MAS1: variants seen among roughly 807,000 people sequenced by gnomAD.
The protein encoded by MAS1 is MAS1 proto-oncogene, G protein-coupled receptor.
For missense variants in MAS1, 387 were observed against 409.7 expected (o/e 0.94, Z 0.48); for synonymous variants, 163 against 164.2 (o/e 0.99, Z 0.05).
Position 159,907,231 on chromosome 6 carries a change from T to C in MAS1, c.276T>C (p.Ala92=). The change falls in exon 3 of 3, where the codon GCT becomes GCC. Residue 92 remains alanine, a synonymous_variant. Coordinates refer to ENST00000674077, the MANE Select transcript of MAS1 (RefSeq NM_002377.4). ...TTTTCATCTTGTCTATCGACTATGC[T>C]TTAGATTATGAGCTTTCTTCTGGCC... ...FCIFILSIDY[A]LDYELSSGHY... 6.2e-7 allele frequency: 1 copy of C among 1,614,228 alleles called. No homozygotes were observed. The highest frequency in any genetic ancestry group is 8.5e-7 in the Non-Finnish European group (1 of 1,180,022).
intron 2 of MAS1, among the ~76,000 whole-genome samples, chr6:159,902,774 G>A (rs762200233): frequency 3.1e-4 from 47 of 152,038 alleles, no homozygotes; most frequent in Non-Finnish European, 4.9e-4. Context: ...CCACTGTATC[G>A]CCTCCCACCC....
At position 159,910,933 on chromosome 6, in the gene MAS1, G is replaced by A. The variant is rs1002144705; in HGVS notation, c.*3000G>A. ...CTGTTTTCTACCTATGCCTTTTGTG[G>A]CATTTAATACCCACAGTCTTCCTGA... On this transcript the variant is annotated 3_prime_UTR_variant, in exon 3 of 3. Coordinates refer to ENST00000674077, the MANE Select transcript of MAS1 (RefSeq NM_002377.4). The A allele has an allele frequency of 1.3e-5, 2 of 152,204 alleles. No individual in the cohort carries two copies. The highest frequency in any genetic ancestry group is 4.8e-5 in the African/African-American group (2 of 41,430). The allele number at this position is 152,204 out of a possible 1,614,324, so 9.4% of individuals were successfully genotyped here. A position where few individuals can be genotyped will look rare whatever the true frequency, so the allele number is the denominator to read the frequency against.
At chr6:159,896,368 TTA>T (rs1280030791) in intron 1 of MAS1, among the ~76,000 whole-genome samples, 1 of 152,152 alleles carries the variant, frequency 6.6e-6, no homozygotes, top group African/African-American at 2.4e-5. Flanking sequence ...AGTCATACTT[TTA>T]GAGTATATAC....
intron 1 of MAS1, among the ~76,000 whole-genome samples, chr6:159,894,082 G>A (rs1782728713): frequency 6.6e-6 from 1 of 152,146 alleles, no homozygotes; most frequent in African/African-American, 2.4e-5. Context: ...GGTCTGACAT[G>A]CTGGGGAGAT....
At chr6:159,897,596 G>A (rs1031180058) in intron 1 of MAS1, among the ~76,000 whole-genome samples, 4 of 152,186 alleles carry the variant, frequency 2.6e-5, no homozygotes, top group East Asian at 1.9e-4. Context: ...TTGTTTCAAA[G>A]TTAAACTATA....
In MAS1 at chr6:159,907,133, C is replaced by T. The variant is rs919590114; in HGVS notation, c.178C>T (p.Arg60Trp). The change falls in exon 3 of 3, where the codon CGG (arginine) becomes TGG (tryptophan). Residue 60 changes from arginine (R) to tryptophan (W), a missense_variant. Transcript: ENST00000674077. ...NGILLWFLCF[R>W]MRRNPFTVYI... Reference sequence around the variant, plus strand: ...GATTCTCCTCTGGTTCCTGTGCTTCCGGATGAGAAGAAATCCCTTCACTGT... The same window carrying T: ...GATTCTCCTCTGGTTCCTGTGCTTCTGGATGAGAAGAAATCCCTTCACTGT... 29 of 1,614,056 alleles carry T rather than the reference C, an allele frequency of 1.8e-5. No individual in the cohort carries two copies. The highest frequency in any genetic ancestry group is 6.7e-5 in the East Asian group (3 of 44,896).
intron 1 of MAS1, among the ~76,000 whole-genome samples, chr6:159,893,942 G>T (rs1368276473): frequency 2.0e-5 from 3 of 152,046 alleles, no homozygotes; most frequent in Non-Finnish European, 4.4e-5. Context: ...TTTTTGTGTT[G>T]GAAGGCTATT....
chr6:159,904,867 T>C (rs1403735567), intron 2 of MAS1, among the ~76,000 whole-genome samples: 2 of 152,222 alleles, frequency 1.3e-5, no homozygotes, highest in Admixed American at 6.5e-5. Context: ...CCTGGCTGCC[T>C]CCTGCTTCTG....
At chr6:159,906,048 A>T (rs1479132919) in intron 2 of MAS1, among the ~76,000 whole-genome samples, 2 of 152,204 alleles carry the variant, frequency 1.3e-5, no homozygotes, top group Non-Finnish European at 2.9e-5. Context: ...CTCAAAAAAA[A>T]AAAAGTTATT....
chr6:159,907,343 A>T lies in MAS1; in HGVS notation c.388A>T (p.Arg130Trp). Reference protein sequence around the residue: ...LYLLTAISVERCLSVLYPIWY... With the variant: ...LYLLTAISVEWCLSVLYPIWY... ...TCTGCTGACGGCCATTAGTGTGGAG[A>T]GGTGCCTGTCAGTCCTTTACCCCAT... Residue 130 changes from arginine (R) to tryptophan (W), a missense_variant, in exon 3 of 3, where the codon AGG becomes TGG. Physicochemically the swap from Arg to Trp is moderately radical, Grantham distance 101. Coordinates refer to ENST00000674077, the MANE Select transcript of MAS1 (RefSeq NM_002377.4). 1 of 1,614,102 alleles carries T rather than the reference A, an allele frequency of 6.2e-7. No individual in the cohort carries two copies. Among genetic ancestry groups the T allele is most frequent in the Non-Finnish European group, 8.5e-7 (1 of 1,180,026 alleles).
intron 2 of MAS1, among the ~76,000 whole-genome samples, chr6:159,901,060 A>G (rs2115113505): frequency 6.6e-6 from 1 of 152,324 alleles, no homozygotes; most frequent in East Asian, 1.9e-4. Context: ...CCTGGTTTGC[A>G]GAAGGCTGCC....
At chr6:159,894,410 C>A (rs1254145794) in intron 1 of MAS1, among the ~76,000 whole-genome samples, 11 of 131,694 alleles carry the variant, frequency 8.4e-5, no homozygotes, top group Admixed American at 5.5e-4. Context: ...CAGAGTGAGA[C>A]CCTGTCTCAA....
intron 2 of MAS1, among the ~76,000 whole-genome samples, chr6:159,900,125 A>G (rs1029766646): frequency 1.3e-5 from 2 of 152,352 alleles, no homozygotes; most frequent in Middle Eastern, 6.8e-3. Context: ...GAGTTGACCC[A>G]GAGAGAAGTT....
At chr6:159,892,786 C>T (rs993516791) in intron 1 of MAS1, among the ~76,000 whole-genome samples, 6 of 152,196 alleles carry the variant, frequency 3.9e-5, no homozygotes, top group African/African-American at 1.4e-4. Context: ...AACCACCATG[C>T]TTGTTTTCCC....
At position 159,908,000 on chromosome 6, in the gene MAS1, A is replaced by G. The variant is rs1200674054; in HGVS notation, c.*67A>G. The G allele has an allele frequency of 2.0e-6, 3 of 1,499,272 alleles. No individual in the cohort carries two copies. The highest frequency in any genetic ancestry group is 2.3e-5 in the East Asian group (1 of 43,992). The allele number at this position is 1,499,272 out of a possible 1,614,324, so 92.9% of individuals were successfully genotyped here. On this transcript the variant is annotated 3_prime_UTR_variant, in exon 3 of 3. Transcript: ENST00000674077. Reference sequence around the variant, plus strand: ...GTCATTTTTAGTTTGTGCTTGGAATATGACTTAAGTATCTCCTAAATGTGA... The same window carrying G: ...GTCATTTTTAGTTTGTGCTTGGAATGTGACTTAAGTATCTCCTAAATGTGA...
intron 2 of MAS1, among the ~76,000 whole-genome samples, chr6:159,901,209 C>A (rs1454198400): frequency 1.3e-5 from 2 of 152,174 alleles, no homozygotes; most frequent in African/African-American, 4.8e-5. Flanking sequence ...CCATAATTAC[C>A]TCCCTACAAG....
intron 1 of MAS1, among the ~76,000 whole-genome samples, chr6:159,894,566 C>T (rs1243042981): frequency 6.6e-6 from 1 of 152,084 alleles, no homozygotes; most frequent in Non-Finnish European, 1.5e-5. Flanking sequence ...TAGGCTCTGG[C>T]ATCATCTCGG....
Position 159,908,020 on chromosome 6 carries a change from A to C in MAS1, c.*87A>C. Reference sequence around the variant, plus strand: ...GGAATATGACTTAAGTATCTCCTAAATGTGATACAGAAGAACATCTCATCC... The same window carrying C: ...GGAATATGACTTAAGTATCTCCTAACTGTGATACAGAAGAACATCTCATCC... On this transcript the variant is annotated 3_prime_UTR_variant, in exon 3 of 3. Coordinates refer to ENST00000674077, the MANE Select transcript of MAS1 (RefSeq NM_002377.4). The C allele has an allele frequency of 7.1e-7, 1 of 1,410,594 alleles. No individual in the cohort carries two copies. Among genetic ancestry groups the C allele is most frequent in the Non-Finnish European group, 9.6e-7 (1 of 1,044,386 alleles). 87.4% of individuals were successfully genotyped at this position (1,410,594 alleles called of 1,614,324 possible).
intron 2 of MAS1, among the ~76,000 whole-genome samples, chr6:159,900,806 C>T (rs769280141): frequency 5.9e-5 from 9 of 152,148 alleles, no homozygotes; most frequent in Non-Finnish European, 1.3e-4. Context: ...TTTCTTGAAA[C>T]AGTTTGATAA....
Sources: gnomAD v4.1 joint callset for allele counts (sites outside exome capture counted in the v4.1 genomes callset) on GRCh38, gnomAD v4.1.1 for gene constraint, MANE v1.5 for transcripts, NCBI Gene and HGNC (gene_info 2026-07-23, HGNC 2026-07-21) for gene names.